ARMH3: variants seen among roughly 807,000 people sequenced by gnomAD.
The protein encoded by ARMH3 is armadillo-like helical domain-containing protein 3.
A neutral mutation model predicts 99.1 loss-of-function variants in ARMH3; 60 were observed. That is an observed-to-expected ratio of 0.61 (90% CI 0.49 to 0.75). ARMH3 has a LOEUF of 0.75. Ranked by LOEUF, ARMH3 falls within the 30% of genes least tolerant of loss-of-function variation. The pLI, the probability that ARMH3 is intolerant of heterozygous loss-of-function variation, is 0.00. For synonymous variants in ARMH3, 285 were observed against 292.8 expected (o/e 0.97, Z 0.27); for missense variants, 679 against 843.1 (o/e 0.81, Z 2.41).
intron 23 of ARMH3, among the ~76,000 whole-genome samples, chr10:101,900,824 AAT>A (rs949058027): frequency 5.9e-5 from 9 of 152,080 alleles, no homozygotes; most frequent in African/African-American, 1.9e-4. Flanking sequence ...ATCTACAAAA[AAT>A]TTTTTTTAAA....
At chr10:101,851,284 T>C (rs2066594767) in intron 24 of ARMH3, among the ~76,000 whole-genome samples, 2 of 152,086 alleles carry the variant, frequency 1.3e-5, no homozygotes, top group African/African-American at 4.8e-5. Context: ...TGTAAGATCA[T>C]GAATCAAAGG....
At chr10:101,992,997 G>A (rs568392793) in intron 17 of ARMH3, among the ~76,000 whole-genome samples, 4 of 152,090 alleles carry the variant, frequency 2.6e-5, no homozygotes, top group Admixed American at 6.5e-5. Flanking sequence ...CAGGCCAGGC[G>A]CGGTGGCTCA....
In ARMH3 at chr10:102,010,168, A is replaced by G. The variant is rs535815195; in HGVS notation, c.832-145T>C. On this transcript the variant is annotated intron_variant, in intron 11 of 25. Coordinates refer to ENST00000370033, the MANE Select transcript of ARMH3 (RefSeq NM_024541.3). ...CTCTAGGCCATAAGTCACACACACC[A>G]AAACCAGCCCACTTTGAAAATCTTA... 1.8e-4 allele frequency: 114 copies of G among 620,110 alleles called. No individual in the cohort carries two copies. The African/African-American group carries it at 1.9e-3, about 10-fold the overall frequency. The allele number at this position is 620,110 out of a possible 1,614,324, so 38.4% of individuals were successfully genotyped here. A position where few individuals can be genotyped will look rare whatever the true frequency, so the allele number is the denominator to read the frequency against.
chr10:102,032,128 C>CT (rs2067145770), intron 4 of ARMH3, among the ~76,000 whole-genome samples: 1 of 152,180 alleles, frequency 6.6e-6, no homozygotes, highest in South Asian at 2.1e-4. Flanking sequence ...ATTTTAGAAA[C>CT]TTTGTCACCA....
At chr10:102,001,930 C>T (rs373139167) in intron 15 of ARMH3, 41 bp downstream of exon 15, 81 of 1,564,118 alleles carry the variant, frequency 5.2e-5, no homozygotes, top group Non-Finnish European at 7.0e-5. Flanking sequence ...CTGCCTGCCA[C>T]ACCTTTGACT....
In ARMH3 at chr10:101,990,626, G is replaced by A. The variant is rs190644291; in HGVS notation, c.1346-15C>T. The A allele has an allele frequency of 5.9e-5, 94 of 1,588,136 alleles. 1 individual carries two copies. In the African/African-American group the frequency reaches 9.7e-4, roughly 16 times the overall value. ...TACCATCAGGTCTGAAAGGGGAATA[G>A]AGAAAAACTGGATCAATTACAATGG... On this transcript the variant is annotated splice_polypyrimidine_tract_variant and intron_variant, in intron 18 of 25. Coordinates refer to ENST00000370033, the MANE Select transcript of ARMH3 (RefSeq NM_024541.3).
At chr10:101,925,232 A>C (rs1465378458) in intron 23 of ARMH3, among the ~76,000 whole-genome samples, 1 of 152,214 alleles carries the variant, frequency 6.6e-6, no homozygotes, top group Non-Finnish European at 1.5e-5. Context: ...AAATATGTCC[A>C]TATCATGCGT....
rs1043206961 is a variant in ARMH3, at chr10:102,019,702, C to T, written c.669+3775G>A. On this transcript the variant is annotated intron_variant, in intron 8 of 25. Coordinates refer to ENST00000370033, the MANE Select transcript of ARMH3 (RefSeq NM_024541.3). ...CAGCACTTTGGGAGGCCGAGGCGGG[C>T]GGATCACAAGGTCAGGAGATCGAGA... 4.0e-5 allele frequency among the ~76,000 whole-genome samples: 6 copies of T among 151,516 alleles called. No individual in the cohort carries two copies. The East Asian group carries it at 5.8e-4, about 15-fold the overall frequency.
In ARMH3 at chr10:102,055,808, G is replaced by A. The variant is rs573132006; in HGVS notation, c.-12+277C>T. On this transcript the variant is annotated intron_variant, in intron 1 of 25. Transcript: ENST00000370033. The stretch of plus-strand genomic sequence containing the variant: ...AGCCAGAAGGCCCCGCAGGGATGCG[G>A]GAGAGGGACGTGACCGGGACCGTGT... Among the ~76,000 whole-genome samples the A allele has an allele frequency of 6.6e-5, 10 of 152,308 alleles. No homozygotes were observed. The South Asian group carries it at 2.1e-3, about 32-fold the overall frequency.
chr10:101,991,594 T>A (rs1846798858), intron 18 of ARMH3, among the ~76,000 whole-genome samples: 1 of 152,180 alleles, frequency 6.6e-6, no homozygotes, highest in African/African-American at 2.4e-5. Context: ...TTGGCCAAGC[T>A]GATCTCAAAC....
intron 24 of ARMH3, among the ~76,000 whole-genome samples, chr10:101,881,573 T>TA (rs1276852402): frequency 1.3e-5 from 2 of 151,728 alleles, no homozygotes; most frequent in Non-Finnish European, 2.9e-5. Flanking sequence ...ACTGCAATTT[T>TA]AAAAAAAAGA....
chr10:101,947,781 C>T, intron 22 of ARMH3, among the ~76,000 whole-genome samples: 1 of 149,546 alleles, frequency 6.7e-6, no homozygotes, highest in Non-Finnish European at 1.5e-5. Flanking sequence ...GCCTGGGCAA[C>T]AAGAGCGAAA....
intron 23 of ARMH3, among the ~76,000 whole-genome samples, chr10:101,914,178 A>G (rs949387771): frequency 2.0e-5 from 3 of 152,148 alleles, no homozygotes; most frequent in African/African-American, 4.8e-5. Context: ...GAAGGGGCAT[A>G]AAAACACAGG....
chr10:102,029,953 G>A (rs1327848570), intron 4 of ARMH3, among the ~76,000 whole-genome samples: 24 of 150,266 alleles, frequency 1.6e-4, no homozygotes, highest in Admixed American at 1.3e-3. Context: ...ACAAGGTCTC[G>A]CTCTTCACCA....
intron 23 of ARMH3, among the ~76,000 whole-genome samples, chr10:101,920,260 T>C (rs766547084): frequency 3.3e-5 from 5 of 151,758 alleles, no homozygotes; most frequent in Admixed American, 6.6e-5. Context: ...TTTCAGGAGG[T>C]GAGTTGACAA....
intron 23 of ARMH3, among the ~76,000 whole-genome samples, chr10:101,909,121 C>A (rs1297834149): frequency 6.6e-6 from 1 of 151,544 alleles, no homozygotes; most frequent in Non-Finnish European, 1.5e-5. Flanking sequence ...AAAAAAGAGA[C>A]CAGGGCTGGG....
At chr10:101,944,156 T>TA (rs1255304404) in intron 22 of ARMH3, among the ~76,000 whole-genome samples, 1 of 143,636 alleles carries the variant, frequency 7.0e-6, no homozygotes, top group Non-Finnish European at 1.5e-5. Context: ...ATGGAAATAT[T>TA]AAAAAAGAAA....
intron 8 of ARMH3, among the ~76,000 whole-genome samples, chr10:102,014,863 T>A (rs978328823): frequency 7.9e-5 from 12 of 151,970 alleles, no homozygotes; most frequent in Admixed American, 2.6e-4. Flanking sequence ...TGAGGAAAAA[T>A]TTCATATAAA....
chr10:101,979,775 C>A (rs1053447263), intron 19 of ARMH3, among the ~76,000 whole-genome samples: 5 of 152,134 alleles, frequency 3.3e-5, no homozygotes, highest in Non-Finnish European at 7.4e-5. Context: ...CATTAAATGT[C>A]CACTTTAATA....
Sources: allele counts gnomAD v4.1 joint callset (sites outside exome capture counted in the v4.1 genomes callset), GRCh38; gene constraint gnomAD v4.1.1; transcripts MANE v1.5; gene names NCBI Gene and HGNC (gene_info 2026-07-23, HGNC 2026-07-21).